Variants in SYNPR observed in about 807,000 individuals in gnomAD.
The protein encoded by SYNPR is synaptoporin.
A neutral mutation model predicts 32.9 loss-of-function variants in SYNPR; 23 were observed. That is an observed-to-expected ratio of 0.70 (90% CI 0.50 to 0.99). The LOEUF is 0.99. SYNPR is among the 50% of genes least tolerant of loss of function. The pLI, the probability that SYNPR is intolerant of heterozygous loss-of-function variation, is 0.00. For missense variants in SYNPR, 318 were observed against 349.3 expected, an observed-to-expected ratio of 0.91 and a Z score of 0.71; for synonymous variants, 146 against 135.9, an observed-to-expected ratio of 1.07 and a Z score of -0.52.
At chr3:63,359,028 T>C (rs945272132) in intron 2 of SYNPR, among the ~76,000 whole-genome samples, 2 of 152,256 alleles carry the variant, frequency 1.3e-5, no homozygotes, top group Admixed American at 6.5e-5. Flanking sequence ...TTAATGATAC[T>C]AAGTATTGTT....
At chr3:63,253,749 G>A (rs1434582313) in intron 2 of SYNPR, among the ~76,000 whole-genome samples, 1 of 152,176 alleles carries the variant, frequency 6.6e-6, no homozygotes, top group South Asian at 2.1e-4. Context: ...CATTGTGGAA[G>A]TCAGTGTGGC....
At chr3:63,224,062 T>C (rs905588940), upstream of SYNPR, among the ~76,000 whole-genome samples, 4 of 152,188 alleles carry the variant, frequency 2.6e-5, no homozygotes, top group Non-Finnish European at 5.9e-5. Flanking sequence ...TTGTTTATGG[T>C]TCAAAATGGA....
At chr3:63,495,753 G>A (rs1701362193) in intron 3 of SYNPR, among the ~76,000 whole-genome samples, 1 of 152,078 alleles carries the variant, frequency 6.6e-6, no homozygotes, top group Admixed American at 6.6e-5. Flanking sequence ...AAACTATGGA[G>A]ACAGTAAAAA....
At chr3:63,417,968 C>T (rs1445395193) in intron 2 of SYNPR, among the ~76,000 whole-genome samples, 1 of 152,242 alleles carries the variant, frequency 6.6e-6, no homozygotes, top group Non-Finnish European at 1.5e-5. Flanking sequence ...GATTAACATT[C>T]AGCTCCTCAT....
chr3:63,589,278 A>G (rs1329079381), intron 4 of SYNPR, among the ~76,000 whole-genome samples: 5 of 152,024 alleles, frequency 3.3e-5, no homozygotes, highest in Non-Finnish European at 7.4e-5. Flanking sequence ...GTTTTTTTAA[A>G]TTTCCAAAAC....
chr3:63,281,771 A>T (rs754224481), intron 2 of SYNPR, among the ~76,000 whole-genome samples: 14 of 152,256 alleles, frequency 9.2e-5, no homozygotes, highest in Non-Finnish European at 1.9e-4. Flanking sequence ...AATATTCTCA[A>T]GAATATTTAT....
At chr3:63,374,528 C>T (rs752873746) in intron 2 of SYNPR, among the ~76,000 whole-genome samples, 2 of 152,006 alleles carry the variant, frequency 1.3e-5, no homozygotes, top group Admixed American at 6.6e-5. Context: ...ACACCAAGCC[C>T]CTGTGACACA....
At chr3:63,394,726 G>T (rs566086142) in intron 2 of SYNPR, among the ~76,000 whole-genome samples, 30 of 152,236 alleles carry the variant, frequency 2.0e-4, no homozygotes, top group African/African-American at 7.2e-4. Context: ...AAAACATTGA[G>T]TCTCATTTGA....
At chr3:63,345,802 A>G (rs13061130) in intron 2 of SYNPR, among the ~76,000 whole-genome samples, 1 of 151,952 alleles carries the variant, frequency 6.6e-6, no homozygotes, top group South Asian at 2.1e-4. Context: ...CTTTCGTCTA[A>G]CATTGAATTT....
At chr3:63,595,431 T>C (rs1195326504) in intron 4 of SYNPR, among the ~76,000 whole-genome samples, 2 of 151,722 alleles carry the variant, frequency 1.3e-5, no homozygotes, top group African/African-American at 4.8e-5. Context: ...GGATTTGTCA[T>C]TAAAGATTAC....
Position 63,539,659 on chromosome 3 carries a change from A to T in SYNPR, c.210-16884A>T, listed in dbSNP as rs149444890. Reference sequence around the variant, plus strand: ...GGGTTTCCCTAAGGCAGACCTTAAAACAAAGACCTAGGCACAAGGAGCCTT... The same window carrying T: ...GGGTTTCCCTAAGGCAGACCTTAAATCAAAGACCTAGGCACAAGGAGCCTT... On this transcript the variant is annotated intron_variant, in intron 3 of 5. Coordinates refer to ENST00000478300, the MANE Select transcript of SYNPR (RefSeq NM_001130003.2). Among the ~76,000 whole-genome samples the T allele has an allele frequency of 1.3e-4, 20 of 152,276 alleles. No homozygotes were observed. In the East Asian group the frequency reaches 3.9e-3, roughly 29 times the overall value.
At chr3:63,347,478 T>G (rs1173749007) in intron 2 of SYNPR, among the ~76,000 whole-genome samples, 1 of 152,228 alleles carries the variant, frequency 6.6e-6, no homozygotes, top group Non-Finnish European at 1.5e-5. Context: ...CAATCTTTGT[T>G]CTTTTAAAAA....
intron 2 of SYNPR, among the ~76,000 whole-genome samples, chr3:63,469,791 T>C (rs1337251993): frequency 1.3e-5 from 2 of 152,226 alleles, no homozygotes; most frequent in Non-Finnish European, 2.9e-5. Context: ...GTTGCCAAAA[T>C]ATTTTATTAA....
intron 3 of SYNPR, among the ~76,000 whole-genome samples, chr3:63,500,955 T>C (rs560648330): frequency 1.2e-4 from 19 of 152,330 alleles, no homozygotes; most frequent in African/African-American, 4.3e-4. Flanking sequence ...ACCTATTTTC[T>C]AATTTGGAAA....
intron 3 of SYNPR, among the ~76,000 whole-genome samples, chr3:63,482,845 G>A (rs754529449): frequency 2.6e-5 from 4 of 151,982 alleles, no homozygotes; most frequent in Non-Finnish European, 5.9e-5. Flanking sequence ...ACCATTATGG[G>A]GAAAATCTCA....
the SYNPR span, among the ~76,000 whole-genome samples, chr3:63,210,825 C>A: frequency 6.6e-6 from 1 of 150,984 alleles, no homozygotes; most frequent in Non-Finnish European, 1.5e-5. Flanking sequence ...TCCTTCCTTT[C>A]CTTCCTCTCT....
chr3:63,224,298 A>G (rs1004924805), upstream of SYNPR, among the ~76,000 whole-genome samples: 3 of 152,262 alleles, frequency 2.0e-5, no homozygotes, highest in African/African-American at 4.8e-5. Flanking sequence ...GCTCCTTATG[A>G]GAATCTAACT....
intron 4 of SYNPR, among the ~76,000 whole-genome samples, chr3:63,604,385 G>T (rs994546755): frequency 6.6e-6 from 1 of 152,012 alleles, no homozygotes; most frequent in Non-Finnish European, 1.5e-5. Context: ...TCTTCTGCTG[G>T]CTTGGAGATG....
intron 1 of SYNPR, among the ~76,000 whole-genome samples, chr3:63,238,307 AT>A (rs2086214064): frequency 6.6e-6 from 1 of 152,038 alleles, no homozygotes. Context: ...AACCTATTTC[AT>A]TTTAATGAAA....
Sources: gnomAD v4.1 joint callset for allele counts (sites outside exome capture counted in the v4.1 genomes callset) on GRCh38, gnomAD v4.1.1 for gene constraint, MANE v1.5 for transcripts, NCBI Gene and HGNC (gene_info 2026-07-23, HGNC 2026-07-21) for gene names.